The following PAQR5 variants were observed in gnomAD, a reference collection of about 807,000 sequenced individuals.
The protein encoded by PAQR5 is progestin and adipoQ receptor family member 5.
A neutral mutation model predicts 34.5 loss-of-function variants in PAQR5; 20 were observed. The observed-to-expected ratio is 0.58, with a 90% CI of 0.41 to 0.84. The LOEUF (loss-of-function observed/expected upper bound fraction) is 0.84. Among genes scored for constraint, PAQR5 ranks in the 40% least tolerant of loss-of-function variants. The probability of loss-of-function intolerance (pLI) is 0.00; values close to 1 mark genes in which losing one functional copy is unlikely to be tolerated. For synonymous variants in PAQR5, 131 were observed against 155.6 expected (o/e 0.84, Z 1.18); for missense variants, 378 against 412.7 (o/e 0.92, Z 0.73).
At chr15:69,390,018 T>G (rs1217495426) in intron 6 of PAQR5, among the ~76,000 whole-genome samples, 4 of 152,134 alleles carry the variant, frequency 2.6e-5, no homozygotes, top group Non-Finnish European at 5.9e-5. Flanking sequence ...CCTTTTTTTG[T>G]TTTTGTTTTT....
rs939230565 is a variant in PAQR5, at chr15:69,385,516, C to T, written c.385+634C>T. 6.6e-6 allele frequency among the ~76,000 whole-genome samples: 1 copy of T among 152,096 alleles called. No homozygotes were observed. Among genetic ancestry groups the T allele is most frequent in the South Asian group, 2.1e-4 (1 of 4,826 alleles). On this transcript the variant is annotated intron_variant, in intron 5 of 8. Coordinates refer to ENST00000395407, the MANE Select transcript of PAQR5 (RefSeq NM_017705.4). The surrounding 1 kb of genome is among the most constrained non-coding windows in gnomAD (Gnocchi z 4.7). ...ATCAGCAACCTAAGCTGGTGAAATT[C>T]GGTGCTGACCGCCCCCTCTTCCTTG...
chr15:69,397,843 A>G, intron 7 of PAQR5: 1 of 473,104 alleles, frequency 2.1e-6, no homozygotes, highest in Non-Finnish European at 3.8e-6. Flanking sequence ...ACAGTCTGAT[A>G]TATCTTTCTT....
At chr15:69,367,490 G>A (rs1203290759) in intron 3 of PAQR5, among the ~76,000 whole-genome samples, 1 of 152,134 alleles carries the variant, frequency 6.6e-6, no homozygotes, top group African/African-American at 2.4e-5. Context: ...ATAGCTAAGT[G>A]GTCAGTGAGG....
At chr15:69,387,588 G>A (rs940609567) in intron 5 of PAQR5, among the ~76,000 whole-genome samples, 1 of 152,232 alleles carries the variant, frequency 6.6e-6, no homozygotes, top group Non-Finnish European at 1.5e-5. Flanking sequence ...CCTGAGGTAG[G>A]TCCTAGTGTC....
chr15:69,334,737 A>G (rs1352266793), intron 1 of PAQR5, among the ~76,000 whole-genome samples: 2 of 152,168 alleles, frequency 1.3e-5, no homozygotes, highest in Non-Finnish European at 2.9e-5. Flanking sequence ...TTTTGGTAAA[A>G]GATGATCAGA....
At chr15:69,323,204 G>C (rs534865050) in intron 1 of PAQR5, among the ~76,000 whole-genome samples, 1 of 152,358 alleles carries the variant, frequency 6.6e-6, no homozygotes, top group African/African-American at 2.4e-5. Context: ...CCAAGAGTCT[G>C]CCTGGATCTC....
chr15:69,338,166 G>A (rs1441243209), intron 2 of PAQR5, among the ~76,000 whole-genome samples: 1 of 152,168 alleles, frequency 6.6e-6, no homozygotes, highest in Non-Finnish European at 1.5e-5. Flanking sequence ...TACCCAGACG[G>A]ATGCATGTCT....
chr15:69,352,474 C>A (rs1303887355), intron 2 of PAQR5, among the ~76,000 whole-genome samples: 5 of 152,178 alleles, frequency 3.3e-5, no homozygotes, highest in African/African-American at 1.2e-4. Context: ...GACACAAATG[C>A]CCATGGTTTC....
intron 4 of PAQR5, among the ~76,000 whole-genome samples, chr15:69,380,775 A>G (rs2055862202): frequency 1.3e-5 from 2 of 152,190 alleles, no homozygotes; most frequent in South Asian, 4.1e-4. Context: ...CCACTGTCCC[A>G]CTCAGACCAC....
chr15:69,359,210 C>A (rs2055164349), intron 2 of PAQR5, among the ~76,000 whole-genome samples: 1 of 152,188 alleles, frequency 6.6e-6, no homozygotes. Flanking sequence ...AGTCACCTCC[C>A]AAAAGCCCTG....
At chr15:69,333,715 T>G (rs757219349) in intron 1 of PAQR5, among the ~76,000 whole-genome samples, 14 of 152,210 alleles carry the variant, frequency 9.2e-5, no homozygotes, top group Non-Finnish European at 1.9e-4. Context: ...TGTCTTTGCC[T>G]TCAGCTGCTT....
At chr15:69,300,626 T>C (rs867152976) in intron 1 of PAQR5, among the ~76,000 whole-genome samples, 3 of 50,216 alleles carry the variant, frequency 6.0e-5, no homozygotes, top group East Asian at 5.6e-4. Context: ...TCTTTCTTTC[T>C]TTCTTTCTTT....
chr15:69,299,417 C>G (rs926935546), intron 1 of PAQR5, among the ~76,000 whole-genome samples: 1 of 152,232 alleles, frequency 6.6e-6, no homozygotes, highest in Non-Finnish European at 1.5e-5. Flanking sequence ...CTCCCGCCGC[C>G]CCCACTTTAA....
At chr15:69,323,720 A>G (rs2054181753) in intron 1 of PAQR5, among the ~76,000 whole-genome samples, 1 of 152,244 alleles carries the variant, frequency 6.6e-6, no homozygotes, top group African/African-American at 2.4e-5. Flanking sequence ...AAGGAGAAAG[A>G]GTAAAGCAAA....
At chr15:69,325,345 C>T (rs930169066) in intron 1 of PAQR5, among the ~76,000 whole-genome samples, 56 of 152,138 alleles carry the variant, frequency 3.7e-4, no homozygotes, top group Admixed American at 9.2e-4. Context: ...AGCCACAGCA[C>T]CCTGGAATGT....
At chr15:69,322,179 A>C (rs2054112906) in intron 1 of PAQR5, among the ~76,000 whole-genome samples, 1 of 141,432 alleles carries the variant, frequency 7.1e-6, no homozygotes, top group African/African-American at 2.8e-5. Context: ...AAAAAAAAAA[A>C]ATTAAAAACT....
intron 1 of PAQR5, among the ~76,000 whole-genome samples, chr15:69,335,794 CT>C (rs2140699695): frequency 6.6e-6 from 1 of 152,154 alleles, no homozygotes; most frequent in African/African-American, 2.4e-5. Flanking sequence ...GAAAACTGAT[CT>C]GCTGTTGGAT....
chr15:69,302,377 A>G (rs1019052988), intron 1 of PAQR5, among the ~76,000 whole-genome samples: 3 of 151,946 alleles, frequency 2.0e-5, no homozygotes, highest in Non-Finnish European at 4.4e-5. Context: ...CCAGCCAGAA[A>G]TGGGGACTTT....
intron 6 of PAQR5, among the ~76,000 whole-genome samples, chr15:69,392,605 A>G (rs2056303836): frequency 6.6e-6 from 1 of 152,166 alleles, no homozygotes; most frequent in South Asian, 2.1e-4. Context: ...TTCAGAGAGC[A>G]CCCAGTGCCA....
Sources: allele counts gnomAD v4.1 joint callset (sites outside exome capture counted in the v4.1 genomes callset), GRCh38; gene constraint gnomAD v4.1.1; non-coding constraint Gnocchi (gnomAD v3.1); transcripts MANE v1.5; gene names NCBI Gene and HGNC (gene_info 2026-07-23, HGNC 2026-07-21).